GRK1: variants seen among roughly 807,000 people sequenced by gnomAD.
GRK1 encodes G protein-coupled receptor kinase 1.
In GRK1, 28 loss-of-function variants were observed where a neutral mutation model predicts 41.7. That is an observed-to-expected ratio of 0.67 (90% CI 0.50 to 0.92). The LOEUF (loss-of-function observed/expected upper bound fraction) is 0.92. Among genes scored for constraint, GRK1 ranks in the 40% least tolerant of loss-of-function variants. The pLI is 0.00. For synonymous variants in GRK1, 327 were observed against 286.7 expected, an observed-to-expected ratio of 1.14 and a Z score of -1.42; for missense variants, 703 against 671.2, an observed-to-expected ratio of 1.05 and a Z score of -0.52.
chr13:113,657,925 G>T, the GRK1 span: 1 of 891,014 alleles, frequency 1.1e-6, no homozygotes, highest in Non-Finnish European at 1.7e-6. Context: ...CAGCATCGGG[G>T]TCTCACTGTC....
chr13:113,729,487 G>A (rs2049918160), intron 4 of GRK1, among the ~76,000 whole-genome samples: 1 of 152,188 alleles, frequency 6.6e-6, no homozygotes, highest in Non-Finnish European at 1.5e-5. Flanking sequence ...ACAAACCCAC[G>A]TGCTCAAAGG....
chr13:113,652,692 G>A, the GRK1 span: 1 of 722,748 alleles, frequency 1.4e-6, no homozygotes, highest in Non-Finnish European at 2.5e-6. Context: ...TTTCAAATTT[G>A]TATCTAAGAA....
chr13:113,727,703 G>A (rs1198135954), intron 4 of GRK1, among the ~76,000 whole-genome samples: 2 of 123,672 alleles, frequency 1.6e-5, no homozygotes, highest in Admixed American at 7.6e-5. Flanking sequence ...GACCCATGGC[G>A]ATGAGGAGTA....
chr13:113,653,951 C>T, the GRK1 span, among the ~76,000 whole-genome samples: 1,205 of 152,336 alleles, frequency 7.9e-3, 23 homozygotes, highest in African/African-American at 0.027. Context: ...TCTGTGGAAA[C>T]ACAGATGCAG....
At chr13:113,655,069 C>A in the GRK1 span, 2 of 1,310,948 alleles carry the variant, frequency 1.5e-6, no homozygotes, top group Non-Finnish European at 2.1e-6. Context: ...CATTCTCCTC[C>A]CCCAAAACAG....
the GRK1 span, among the ~76,000 whole-genome samples, chr13:113,652,498 T>A: frequency 7.9e-5 from 12 of 152,188 alleles, no homozygotes; most frequent in African/African-American, 2.4e-4. Flanking sequence ...TGGTCCCAGG[T>A]TGGAAGCCTC....
chr13:113,656,568 A>G, the GRK1 span, among the ~76,000 whole-genome samples: 121 of 152,192 alleles, frequency 8.0e-4, 2 homozygotes, highest in East Asian at 0.015. Context: ...AGGGGTTGGG[A>G]GGTGACTGAG....
chr13:113,669,957 C>G (rs757899722), intron 2 of GRK1, 143 bp downstream of exon 2: 3 of 1,012,464 alleles, frequency 3.0e-6, no homozygotes, highest in Non-Finnish European at 4.2e-6. Context: ...TCACAATCCC[C>G]TTCTCGCTGT....
At chr13:113,732,773 G>A in intron 5 of GRK1, 111 bp from the exon 6 acceptor site, 1 of 1,170,006 alleles carries the variant, frequency 8.5e-7, no homozygotes, top group East Asian at 2.6e-5. Flanking sequence ...GGCCTCATGG[G>A]TCCCCCACCC....
the GRK1 span, chr13:113,654,872 C>T: frequency 6.2e-7 from 1 of 1,614,222 alleles, no homozygotes; most frequent in Non-Finnish European, 8.5e-7. Flanking sequence ...TCTGCATCAG[C>T]ACATAGAGGC....
chr13:113,731,510 G>A lies in GRK1; in HGVS notation c.1194+167G>A. The A allele has an allele frequency of 3.4e-6, 2 of 589,554 alleles. No individual in the cohort carries two copies. Among genetic ancestry groups the A allele is most frequent in the Non-Finnish European group, 4.3e-6 (2 of 468,260 alleles). The allele number at this position is 589,554 out of a possible 1,614,324, so 36.5% of individuals were successfully genotyped here. A position where few individuals can be genotyped will look rare whatever the true frequency, so the allele number is the denominator to read the frequency against. On this transcript the variant is annotated intron_variant, in intron 5 of 6. Coordinates refer to ENST00000335678, the MANE Select transcript of GRK1 (RefSeq NM_002929.3). This position sits in a 1 kb window ranked among gnomAD's most constrained non-coding sequence, Gnocchi z 5.6. ...TGCTGGGGTCTTGCTCCTGGGCCAT[G>A]CTGTTCTGTCTCAGTGGGTGACGCC...
the GRK1 span, chr13:113,649,567 T>G: frequency 6.9e-7 from 1 of 1,456,674 alleles, no homozygotes; most frequent in Non-Finnish European, 9.1e-7. The surrounding 1 kb of genome is among the most constrained non-coding windows in gnomAD (Gnocchi z 4.7). Flanking sequence ...GACAGGTGTT[T>G]CAAAAATCTC....
upstream of GRK1, among the ~76,000 whole-genome samples, chr13:113,666,417 CCCCAGCTGT>C (rs780383063): frequency 1.2e-4 from 18 of 149,874 alleles, no homozygotes; most frequent in East Asian, 4.0e-4. Flanking sequence ...TGCAGGTGTT[CCCCAGCTGT>C]CCCAGCTGTC....
chr13:113,655,086 C>A, the GRK1 span: 2 of 1,159,840 alleles, frequency 1.7e-6, no homozygotes, highest in Non-Finnish European at 2.4e-6. Context: ...ACAGAAACCC[C>A]GTCCCCACAA....
chr13:113,730,921 TCAA>T (rs2049932232), intron 4 of GRK1, among the ~76,000 whole-genome samples: 2 of 152,348 alleles, frequency 1.3e-5, no homozygotes, highest in South Asian at 4.1e-4. Flanking sequence ...GCAGCTACAG[TCAA>T]CAAGTCCCGC....
In GRK1 at chr13:113,671,564, C is replaced by G. The variant is rs572803634; in HGVS notation, c.893C>G (p.Thr298Arg). The G allele has an allele frequency of 2.6e-6, 2 of 777,584 alleles. No individual in the cohort carries two copies. Among genetic ancestry groups the G allele is most frequent in the Non-Finnish European group, 4.8e-6 (2 of 417,960 alleles). The allele number at this position is 777,584 out of a possible 1,614,324, so 48.2% of individuals were successfully genotyped here. Residue 298 changes from threonine to arginine, a missense_variant, in exon 3 of 7, where the codon ACG (threonine) becomes AGG (arginine). Coordinates refer to ENST00000335678, the MANE Select transcript of GRK1 (RefSeq NM_002929.3). The surrounding 1 kb of genome is among the most constrained non-coding windows in gnomAD (Gnocchi z 4.1). Reference protein sequence around the residue: ...GFPEPRALFYTAQIICGLEHL... With the variant: ...GFPEPRALFYRAQIICGLEHL... ...CCGGAGCCGCGCGCCCTCTTCTACA[C>G]GGCGCAGATCATCTGCGGCCTGGAG... is the stretch of plus-strand genomic sequence containing the variant.
At chr13:113,668,573 A>G (rs1016326475) in intron 1 of GRK1, among the ~76,000 whole-genome samples, 3 of 152,206 alleles carry the variant, frequency 2.0e-5, no homozygotes, top group African/African-American at 7.2e-5. Flanking sequence ...GGGGGCAGGA[A>G]CTGTTCCCCT....
intron 4 of GRK1, among the ~76,000 whole-genome samples, chr13:113,727,558 A>G (rs1381386507): frequency 6.6e-6 from 1 of 151,674 alleles, no homozygotes; most frequent in Non-Finnish European, 1.5e-5. Flanking sequence ...AGGAGTACCC[A>G]TGGCGATGAG....
rs142732888 is a variant in GRK1, at chr13:113,723,193, A to G, written c.1069+36A>G. 2.2e-3 allele frequency: 1,519 copies of G among 692,466 alleles called. 17 individuals are homozygous for G. Among genetic ancestry groups the G allele is most frequent in the African/African-American group, 0.02 (1,139 of 56,724 alleles). The allele number at this position is 692,466 out of a possible 1,614,324, so 42.9% of individuals were successfully genotyped here. ...GAGCGCAGCTGGGGAGGCTCCGTGC[A>G]TGGGTTACGTCCCTGTGTACATGTG... On this transcript the variant is annotated intron_variant, in intron 4 of 6. Coordinates refer to ENST00000335678, the MANE Select transcript of GRK1 (RefSeq NM_002929.3).
Sources: allele counts gnomAD v4.1 joint callset (sites outside exome capture counted in the v4.1 genomes callset), GRCh38; gene constraint gnomAD v4.1.1; non-coding constraint Gnocchi (gnomAD v3.1); transcripts MANE v1.5; gene names NCBI Gene and HGNC (gene_info 2026-07-23, HGNC 2026-07-21).